PACS1: variants seen among roughly 807,000 people sequenced by gnomAD.
PACS1 encodes PACS-1.
A neutral mutation model predicts 115.0 loss-of-function variants in PACS1; 24 were observed. The ratio of observed to expected loss-of-function variants is 0.21; its 90% CI spans 0.15 to 0.29. The LOEUF is 0.29. Ranked by LOEUF, PACS1 falls within the 10% of genes least tolerant of loss-of-function variation. PACS1 has a pLI of 1.00. For missense variants in PACS1, 838 were observed against 1,251.2 expected, an observed-to-expected ratio of 0.67 and a Z score of 4.98; for synonymous variants, 453 against 504.5, an observed-to-expected ratio of 0.90 and a Z score of 1.37.
chr11:66,228,081 T>G (rs372687338), intron 11 of PACS1, among the ~76,000 whole-genome samples: 3 of 151,600 alleles, frequency 2.0e-5, no homozygotes, highest in East Asian at 3.9e-4. Flanking sequence ...GCACAAACAT[T>G]TACTGTGCCC....
In PACS1 at chr11:66,216,186, T is replaced by C. The variant is rs991980795; in HGVS notation, c.728T>C (p.Val243Ala). 6.2e-7 allele frequency: 1 copy of C among 1,613,928 alleles called. No individual in the cohort carries two copies. Among genetic ancestry groups the C allele is most frequent in the African/African-American group, 1.3e-5 (1 of 74,892 alleles). ...GLHSNVKDVSVPVAEIKIYSL... is the reference protein window; with the variant it reads ...GLHSNVKDVSAPVAEIKIYSL... ...CACAGCAACGTGAAGGATGTCTCTG[T>C]GCCTGTGGCAGAAATAAAGATCTAC... The change falls in exon 5 of 24, where the codon GTG becomes GCG. Residue 243 changes from valine to alanine, a missense_variant. Val to Ala is a moderately conservative substitution (Grantham distance 64, BLOSUM62 0). This residue lies in a region of PACS1 where 223 missense variants were observed against 354.0 expected (regional missense o/e 0.63). Transcript: ENST00000320580.
intron 13 of PACS1, chr11:66,231,822 C>G (rs1855601416): frequency 1.2e-5 from 3 of 247,042 alleles, no homozygotes; most frequent in Non-Finnish European, 2.4e-5. Context: ...GCTGGCCGCC[C>G]TCTGCCTCTC....
chr11:66,186,442 C>T (rs564469689), intron 1 of PACS1, among the ~76,000 whole-genome samples: 13 of 152,284 alleles, frequency 8.5e-5, no homozygotes, highest in Admixed American at 3.3e-4. Context: ...CAAGGAGGCC[C>T]ACCCTGGCCA....
intron 1 of PACS1, among the ~76,000 whole-genome samples, chr11:66,176,334 G>A (rs1012609883): frequency 2.6e-5 from 4 of 151,828 alleles, no homozygotes; most frequent in Admixed American, 2.6e-4. Context: ...ATGCATTTTA[G>A]TTAAAGAGAG....
intron 1 of PACS1, among the ~76,000 whole-genome samples, chr11:66,144,628 A>G (rs1859077394): frequency 6.6e-6 from 1 of 152,136 alleles, no homozygotes; most frequent in South Asian, 2.1e-4. Context: ...GGTGTGAAGT[A>G]TGTTCATTAT....
intron 1 of PACS1, among the ~76,000 whole-genome samples, chr11:66,086,287 C>T (rs1006202671): frequency 6.6e-6 from 1 of 151,878 alleles, no homozygotes; most frequent in Admixed American, 6.6e-5. Flanking sequence ...TACAGGCGCC[C>T]GCTACCTCGC....
intron 2 of PACS1, among the ~76,000 whole-genome samples, chr11:66,198,307 C>A (rs531175792): frequency 3.3e-5 from 5 of 152,184 alleles, no homozygotes; most frequent in Non-Finnish European, 7.4e-5. Context: ...ATCTAACATG[C>A]AAATGTTCAT....
chr11:66,231,424 G>A (rs906426521), intron 13 of PACS1, among the ~76,000 whole-genome samples: 2 of 152,222 alleles, frequency 1.3e-5, no homozygotes, highest in Non-Finnish European at 2.9e-5. Context: ...CCGAGAGTGG[G>A]CTGGAGAAGA....
intron 11 of PACS1, among the ~76,000 whole-genome samples, chr11:66,229,020 G>A (rs1479174570): frequency 6.6e-6 from 1 of 151,814 alleles, no homozygotes; most frequent in Non-Finnish European, 1.5e-5. Context: ...AGGAGGCACG[G>A]GAGGTTAATT....
chr11:66,196,535 C>G (rs1171179854), intron 2 of PACS1, among the ~76,000 whole-genome samples: 1 of 152,124 alleles, frequency 6.6e-6, no homozygotes. Context: ...AAGGTGTTTC[C>G]TTAAAATTGA....
intron 2 of PACS1, among the ~76,000 whole-genome samples, chr11:66,202,742 A>AAAAAAAAAATATATAT (rs1200930188): frequency 2.8e-5 from 2 of 71,604 alleles, no homozygotes; most frequent in African/African-American, 1.6e-4. Context: ...AAAAAAAAAA[A>AAAAAAAAAATATATAT]ATATATATAT....
At chr11:66,081,277 C>T (rs1857473106) in intron 1 of PACS1, among the ~76,000 whole-genome samples, 1 of 152,062 alleles carries the variant, frequency 6.6e-6, no homozygotes, top group Non-Finnish European at 1.5e-5. Flanking sequence ...GTCCCTGTCT[C>T]ACAGGATTAT....
chr11:66,187,205 C>T (rs920990748), intron 1 of PACS1, among the ~76,000 whole-genome samples: 2 of 152,062 alleles, frequency 1.3e-5, no homozygotes, highest in East Asian at 1.9e-4. Context: ...TAAAATTGAC[C>T]GATCTTACAT....
chr11:66,188,640 C>A (rs1854443138), intron 1 of PACS1, among the ~76,000 whole-genome samples: 1 of 152,308 alleles, frequency 6.6e-6, no homozygotes, highest in Admixed American at 6.5e-5. Context: ...ATTTTCACTG[C>A]ATGAGAAGCG....
intron 1 of PACS1, among the ~76,000 whole-genome samples, chr11:66,090,590 A>T (rs1233873340): frequency 3.9e-5 from 6 of 152,166 alleles, no homozygotes; most frequent in African/African-American, 1.4e-4. Flanking sequence ...CCTGTTTTCT[A>T]AAAGTGTGTG....
intron 1 of PACS1, among the ~76,000 whole-genome samples, chr11:66,120,224 T>G (rs1779466946): frequency 6.8e-6 from 1 of 147,218 alleles, no homozygotes; most frequent in South Asian, 2.2e-4. Flanking sequence ...CTCGGCTCAC[T>G]GCAACCTCTG....
In PACS1 at chr11:66,096,209, CTTTTTTT is replaced by C. The variant is rs66569530; in HGVS notation, c.356+25385_356+25391del. On this transcript the variant is annotated intron_variant, in intron 1 of 23. Transcript: ENST00000320580. ...TGGTTTTCTTTTTATCTTTTTCTTT[CTTTTTTT>C]TTTTTTTTTTTTTTTTTGATGTAGG... 1.0e-2 allele frequency among the ~76,000 whole-genome samples: 1,195 copies of C among 119,518 alleles called. 11 individuals carry two copies. Among genetic ancestry groups the C allele is most frequent in the African/African-American group, 0.038 (1,060 of 27,608 alleles). The allele number at this position is 119,518 out of a possible 152,430, so 78.4% of individuals were successfully genotyped here. A position where few individuals can be genotyped will look rare whatever the true frequency, so the allele number is the denominator to read the frequency against.
chr11:66,173,787 T>C (rs1282645328), intron 1 of PACS1, among the ~76,000 whole-genome samples: 1 of 152,072 alleles, frequency 6.6e-6, no homozygotes, highest in Non-Finnish European at 1.5e-5. Context: ...GCGTGGTGGC[T>C]CACACCTGTA....
At chr11:66,088,963 A>G (rs943747910) in intron 1 of PACS1, among the ~76,000 whole-genome samples, 3 of 152,058 alleles carry the variant, frequency 2.0e-5, no homozygotes, top group Non-Finnish European at 4.4e-5. Flanking sequence ...ATGTATTCCT[A>G]TATATTTGAT....
Sources: gnomAD v4.1 joint callset for allele counts (sites outside exome capture counted in the v4.1 genomes callset) on GRCh38, gnomAD v4.1.1 for gene constraint, gnomAD v4.1.1 regional missense constraint, MANE v1.5 for transcripts, NCBI Gene and HGNC (gene_info 2026-07-23, HGNC 2026-07-21) for gene names.